HELZ: variants seen among roughly 807,000 people sequenced by gnomAD.
The protein encoded by HELZ is helicase with zinc finger.
Under a neutral mutation model 218.2 loss-of-function variants are expected in HELZ, and 23 were observed. The ratio of observed to expected loss-of-function variants is 0.11; its 90% confidence interval spans 0.08 to 0.15. The LOEUF (loss-of-function observed/expected upper bound fraction) is 0.15. HELZ is among the 10% of genes least tolerant of loss of function. The pLI is 1.00. For missense variants in HELZ, 1,813 were observed against 2,353.7 expected (o/e 0.77, Z 4.75); for synonymous variants, 814 against 829.4 (o/e 0.98, Z 0.32).
rs577139313 is a variant in HELZ at position 67,108,393 on chromosome 17, T to C, written c.4724+99A>G. On this transcript the variant is annotated intron_variant, in intron 30 of 32. Transcript: ENST00000358691. The surrounding 1 kb of genome is among the most constrained non-coding windows in gnomAD (Gnocchi z 4.1). ...TTGGAAGGCCAGCATCCAATTTCTC[T>C]GAGGCAATATTCCAGCTTGAAGCTA... The C allele has an allele frequency of 3.4e-5, 29 of 858,258 alleles. 1 individual carries two copies. Among genetic ancestry groups the C allele is most frequent in the Admixed American group, 3.3e-4 (16 of 49,188 alleles). 53.2% of individuals were successfully genotyped at this position (858,258 alleles called of 1,614,324 possible).
Position 67,078,290 on chromosome 17 carries a change from A to C in HELZ, c.5791T>G (p.Ser1931Ala). 1 of 1,613,920 alleles carries C rather than the reference A, an allele frequency of 6.2e-7. No homozygotes were observed. Among genetic ancestry groups the C allele is most frequent in the Non-Finnish European group, 8.5e-7 (1 of 1,179,928 alleles). The change falls in exon 33 of 33, where the codon TCA (serine) becomes GCA (alanine). Residue 1931 changes from serine (S) to alanine (A), a missense_variant. Around this residue, in one of 4 missense-constraint regions of HELZ, gnomAD observed 938 missense variants for 1,027.5 expected, o/e 0.91. Coordinates refer to ENST00000358691, the MANE Select transcript of HELZ (RefSeq NM_014877.4). Reference sequence around the variant, plus strand: ...GAGTAAAAGCCATTGCTGCCAGATGAGCTCCCTAGGCTCAGTTCCTGGAAG... The same window carrying C: ...GAGTAAAAGCCATTGCTGCCAGATGCGCTCCCTAGGCTCAGTTCCTGGAAG... ...SLFQELSLGSSSGSNGFYSYF... is the reference protein window; with the variant it reads ...SLFQELSLGSASGSNGFYSYF...
intron 11 of HELZ, 56 bp downstream of exon 11, chr17:67,189,533 A>T: frequency 8.8e-7 from 1 of 1,135,760 alleles, no homozygotes; most frequent in South Asian, 1.3e-5. Flanking sequence ...AAGGTCAAAA[A>T]AACGTTCAGA....
At chr17:67,227,786 C>T (rs2040934046) in intron 3 of HELZ, among the ~76,000 whole-genome samples, 2 of 152,142 alleles carry the variant, frequency 1.3e-5, no homozygotes, top group Admixed American at 1.3e-4. Flanking sequence ...TGAGAAGAAC[C>T]ACCAGACCAC....
rs763934102 is a variant in HELZ, at chr17:67,150,231, G to C, written c.2357-246C>G. ...CAGCTCACTGTAGCCTCGGGCTCAG[G>C]TGATCCTCCAACCTCAGCCTCCCAA... On this transcript the variant is annotated intron_variant, in intron 18 of 32. Transcript: ENST00000358691. The C allele has an allele frequency of 2.2e-5, 6 of 277,624 alleles. No individual in the cohort carries two copies. The Admixed American group carries it at 3.3e-4, about 15-fold the overall frequency. The allele number at this position is 277,624 out of a possible 1,614,324, so 17.2% of individuals were successfully genotyped here.
At chr17:67,221,298 A>C (rs1480869462) in intron 3 of HELZ, among the ~76,000 whole-genome samples, 1 of 152,142 alleles carries the variant, frequency 6.6e-6, no homozygotes. Context: ...GTCTCCAGTA[A>C]ATGTCTGGAG....
intron 12 of HELZ, among the ~76,000 whole-genome samples, chr17:67,181,325 T>C (rs1480657372): frequency 6.6e-6 from 1 of 152,296 alleles, no homozygotes; most frequent in Middle Eastern, 3.4e-3. Flanking sequence ...CCCTGGAAAA[T>C]GCTTTTTGAT....
chr17:67,175,540 A>T (rs1320637710), intron 13 of HELZ, among the ~76,000 whole-genome samples: 3 of 152,240 alleles, frequency 2.0e-5, no homozygotes, highest in Non-Finnish European at 2.9e-5. Context: ...AGACTTTTGA[A>T]AATCTTCACA....
intron 3 of HELZ, among the ~76,000 whole-genome samples, chr17:67,230,042 A>T (rs923567456): frequency 4.6e-5 from 7 of 152,226 alleles, no homozygotes; most frequent in African/African-American, 1.7e-4. Flanking sequence ...AAATATCCTG[A>T]TGGGCCTTCT....
intron 12 of HELZ, among the ~76,000 whole-genome samples, chr17:67,187,875 T>C (rs1054016674): frequency 2.0e-5 from 3 of 152,202 alleles, no homozygotes; most frequent in African/African-American, 7.2e-5. Flanking sequence ...TGAAGGCTTA[T>C]TATACTCAAG....
At chr17:67,193,156 A>T (rs2039939537) in intron 9 of HELZ, among the ~76,000 whole-genome samples, 1 of 151,996 alleles carries the variant, frequency 6.6e-6, no homozygotes, top group Non-Finnish European at 1.5e-5. Flanking sequence ...CAGCCTGAGC[A>T]ACATGGTGAA....
rs781102768 is a variant in HELZ, at chr17:67,107,547, G to C, written c.4863C>G (p.Pro1621=). 6.2e-7 allele frequency: 1 copy of C among 1,614,168 alleles called. No homozygotes were observed. The highest frequency in any genetic ancestry group is 1.7e-5 in the Admixed American group (1 of 60,030). Residue 1621 remains proline (P), a synonymous_variant, in exon 31 of 33, where the codon CCC becomes CCG. Coordinates refer to ENST00000358691, the MANE Select transcript of HELZ (RefSeq NM_014877.4). ...GGCTACTGTGGTCTGTACTGGATGG[G>C]GGAGATGGGACTGCTGGTGGGCTTC... ...QSRSPPAVPS[P]PSSTDHSSHF... is the part of the protein sequence containing the mutation.
Position 67,077,068 on chromosome 17 carries a change from A to G in HELZ, c.*1184T>C, listed in dbSNP as rs1043751027. The G allele has an allele frequency of 6.6e-6, 1 of 152,240 alleles. No individual in the cohort carries two copies. Among genetic ancestry groups the G allele is most frequent in the South Asian group, 2.1e-4 (1 of 4,832 alleles). The allele number at this position is 152,240 out of a possible 1,614,324, so 9.4% of individuals were successfully genotyped here. A position where few individuals can be genotyped will look rare whatever the true frequency, so the allele number is the denominator to read the frequency against. On this transcript the variant is annotated 3_prime_UTR_variant, in exon 33 of 33. Transcript: ENST00000358691. ...TTTAAGATGGCTATTTAAATTTTATATTGTGTACAAGTTCAATAAGGGGTA... is the reference window on the plus strand; with the variant it reads ...TTTAAGATGGCTATTTAAATTTTATGTTGTGTACAAGTTCAATAAGGGGTA...
chr17:67,126,710 A>C (rs1353473634), intron 24 of HELZ, among the ~76,000 whole-genome samples: 1 of 135,972 alleles, frequency 7.4e-6, no homozygotes, highest in African/African-American at 2.6e-5. Flanking sequence ...CACACACACA[A>C]AACTACTGGG....
At chr17:67,141,888 A>G (rs2038338008) in intron 21 of HELZ, among the ~76,000 whole-genome samples, 2 of 152,010 alleles carry the variant, frequency 1.3e-5, no homozygotes, top group Non-Finnish European at 2.9e-5. Context: ...TACTAAAAAT[A>G]TAAAAATTAG....
In HELZ at chr17:67,189,620, T is replaced by C. The variant is rs778336341; in HGVS notation, c.833A>G (p.His278Arg). The change falls in exon 11 of 33, where the codon CAC (histidine) becomes CGC (arginine). Residue 278 changes from histidine (H) to arginine (R), a missense_variant. Around this residue, in one of 4 missense-constraint regions of HELZ, gnomAD observed 714 missense variants for 1,029.2 expected, o/e 0.69. Coordinates refer to ENST00000358691, the MANE Select transcript of HELZ (RefSeq NM_014877.4). ...AGTGAGAGCAAAGGTCCATGTCTGGTGGGATTTTTTGGTGCTGACAGTAAC... is the reference window on the plus strand; with the variant it reads ...AGTGAGAGCAAAGGTCCATGTCTGGCGGGATTTTTTGGTGCTGACAGTAAC... ...LSVTVSTKKS[H>R]QTWTFALTCK... 5.1e-5 allele frequency: 83 copies of C among 1,613,206 alleles called. No individual in the cohort carries two copies. Among genetic ancestry groups the C allele is most frequent in the Non-Finnish European group, 6.7e-5 (79 of 1,179,322 alleles).
At chr17:67,161,666 T>C (rs1348812710) in intron 15 of HELZ, among the ~76,000 whole-genome samples, 1 of 152,112 alleles carries the variant, frequency 6.6e-6, no homozygotes, top group Non-Finnish European at 1.5e-5. Flanking sequence ...CCAAACAAAA[T>C]AAAATGTTTT....
At chr17:67,213,579 G>A (rs1035978457) in intron 5 of HELZ, among the ~76,000 whole-genome samples, 9 of 151,996 alleles carry the variant, frequency 5.9e-5, no homozygotes, top group African/African-American at 1.7e-4. Context: ...CCGAGATCAC[G>A]CCACTGCACT....
chr17:67,194,116 T>C (rs1489825577), intron 8 of HELZ, 74 bp from the exon 9 acceptor site: 3 of 1,008,766 alleles, frequency 3.0e-6, no homozygotes, highest in African/African-American at 1.6e-5. Flanking sequence ...GTGTAAGAGA[T>C]ACTACAATCC....
At chr17:67,238,075 G>T (rs1331144437) in intron 3 of HELZ, among the ~76,000 whole-genome samples, 2 of 151,752 alleles carry the variant, frequency 1.3e-5, no homozygotes, top group Non-Finnish European at 2.9e-5. Flanking sequence ...GCCAGGCATG[G>T]TGGCTCACAC....
Sources: gnomAD v4.1 joint callset for allele counts (sites outside exome capture counted in the v4.1 genomes callset) on GRCh38, gnomAD v4.1.1 for gene constraint, gnomAD v4.1.1 regional missense constraint, Gnocchi (gnomAD v3.1) non-coding constraint, MANE v1.5 for transcripts, NCBI Gene and HGNC (gene_info 2026-07-23, HGNC 2026-07-21) for gene names.